SRGAP1: variants seen among roughly 807,000 people sequenced by gnomAD.
SRGAP1 encodes the protein SLIT-ROBO Rho GTPase activating protein 1, also known as SLIT-ROBO Rho GTPase-activating protein 1.
In SRGAP1, 43 loss-of-function variants were observed where a neutral mutation model predicts 121.9. The ratio of observed to expected loss-of-function variants is 0.35; its 90% CI spans 0.28 to 0.46. SRGAP1 has a LOEUF of 0.46. Ranked by LOEUF, SRGAP1 falls within the 20% of genes least tolerant of loss-of-function variation. SRGAP1 has a pLI of 1.00. For missense variants in SRGAP1, 1,102 were observed against 1,350.9 expected (o/e 0.82, Z 2.89); for synonymous variants, 447 against 485.4 (o/e 0.92, Z 1.04).
chr12:64,123,678 T>C (rs1232391512), intron 18 of SRGAP1, among the ~76,000 whole-genome samples: 1 of 150,690 alleles, frequency 6.6e-6, no homozygotes, highest in Admixed American at 6.6e-5. Flanking sequence ...ATTTATTTAT[T>C]TATTTATTTT....
chr12:63,845,674 T>TA (rs1345984810), intron 1 of SRGAP1, among the ~76,000 whole-genome samples: 6 of 152,202 alleles, frequency 3.9e-5, no homozygotes, highest in African/African-American at 7.2e-5. Flanking sequence ...AATATATATA[T>TA]TTTCTCTCCA....
chr12:63,925,229 C>T (rs572640383), intron 1 of SRGAP1, among the ~76,000 whole-genome samples: 1 of 152,282 alleles, frequency 6.6e-6, no homozygotes, highest in South Asian at 2.1e-4. Flanking sequence ...CATTCATATT[C>T]AAGGTGAATC....
chr12:63,869,238 T>A (rs1899766965), intron 1 of SRGAP1, among the ~76,000 whole-genome samples: 1 of 152,122 alleles, frequency 6.6e-6, no homozygotes, highest in Non-Finnish European at 1.5e-5. Context: ...TCTTGCTACA[T>A]CATCCCATGG....
chr12:64,115,999 A>G (rs2036514641), intron 18 of SRGAP1, 106 bp downstream of exon 18: 1 of 1,063,358 alleles, frequency 9.4e-7, no homozygotes, highest in African/African-American at 1.6e-5. Context: ...TCCTACCTAT[A>G]ATCCCAGCAC....
chr12:64,136,454 C>G (rs755530063), intron 21 of SRGAP1, among the ~76,000 whole-genome samples: 2 of 152,088 alleles, frequency 1.3e-5, no homozygotes, highest in Admixed American at 1.3e-4. Context: ...CAACTTCCAG[C>G]TATCACTGAA....
intron 1 of SRGAP1, among the ~76,000 whole-genome samples, chr12:63,919,411 C>T (rs1173655184): frequency 1.3e-5 from 2 of 150,874 alleles, no homozygotes; most frequent in African/African-American, 4.9e-5. Context: ...TATTAATGAT[C>T]CACCTGCCTT....
chr12:63,883,421 A>G (rs1185755634), intron 1 of SRGAP1, among the ~76,000 whole-genome samples: 1 of 152,232 alleles, frequency 6.6e-6, no homozygotes, highest in African/African-American at 2.4e-5. Context: ...GGAATCCCAT[A>G]TGGTAGATTG....
intron 3 of SRGAP1, among the ~76,000 whole-genome samples, chr12:63,999,148 A>T (rs1163581177): frequency 6.6e-6 from 1 of 152,170 alleles, no homozygotes; most frequent in African/African-American, 2.4e-5. Context: ...AAGAAACAGC[A>T]TGTGTGAAGA....
intron 21 of SRGAP1, 37 bp from the exon 22 acceptor site, chr12:64,142,258 G>A: frequency 6.3e-7 from 1 of 1,597,492 alleles, no homozygotes; most frequent in South Asian, 1.1e-5. Context: ...TTCATTATCA[G>A]TCTGTGCTTT....
intron 1 of SRGAP1, among the ~76,000 whole-genome samples, chr12:63,957,516 T>C (rs1054440187): frequency 6.6e-6 from 1 of 152,182 alleles, no homozygotes; most frequent in Non-Finnish European, 1.5e-5. Context: ...TGGCCATGCC[T>C]CTGTTGACCT....
chr12:64,008,311 T>A (rs539951373), intron 3 of SRGAP1, among the ~76,000 whole-genome samples: 1 of 152,320 alleles, frequency 6.6e-6, no homozygotes, highest in East Asian at 1.9e-4. Flanking sequence ...TTTCTCTGAT[T>A]GTATTCAGCA....
At chr12:63,993,515 A>T (rs2033612924) in intron 3 of SRGAP1, among the ~76,000 whole-genome samples, 1 of 152,098 alleles carries the variant, frequency 6.6e-6, no homozygotes. Flanking sequence ...TTCCTTGGGG[A>T]GAAGATTTTG....
intron 21 of SRGAP1, among the ~76,000 whole-genome samples, chr12:64,137,983 A>ATATATATAT (rs1565697592): frequency 1.4e-3 from 163 of 120,650 alleles, no homozygotes; most frequent in African/African-American, 4.6e-3. Flanking sequence ...TATATATATA[A>ATATATATAT]AAAATAATAA....
chr12:64,008,091 A>G (rs2034140565), intron 3 of SRGAP1, among the ~76,000 whole-genome samples: 1 of 152,222 alleles, frequency 6.6e-6, no homozygotes, highest in South Asian at 2.1e-4. Flanking sequence ...GCACATAACC[A>G]TGGGCATGTC....
At chr12:63,945,314 G>A (rs929731050) in intron 1 of SRGAP1, among the ~76,000 whole-genome samples, 4 of 151,068 alleles carry the variant, frequency 2.6e-5, no homozygotes, top group Admixed American at 1.3e-4. Flanking sequence ...TGTGCAGAAC[G>A]CGCAGGTTTG....
intron 1 of SRGAP1, among the ~76,000 whole-genome samples, chr12:63,949,403 TTATTA>T (rs1371892340): frequency 2.4e-5 from 1 of 40,840 alleles, no homozygotes; most frequent in African/African-American, 8.1e-5. Flanking sequence ...TTATTTATTA[TTATTA>T]TTATTATTAT....
Position 63,893,721 on chromosome 12 carries a change from C to G in SRGAP1, c.67+48838C>G, listed in dbSNP as rs149309261. ...CTAAGTCTGTTACACTTTACTTTTACTAGATCTGAACATTTTAATGCATTT... is the reference window on the plus strand; with the variant it reads ...CTAAGTCTGTTACACTTTACTTTTAGTAGATCTGAACATTTTAATGCATTT... On this transcript the variant is annotated intron_variant, in intron 1 of 21. Coordinates refer to ENST00000355086, the MANE Select transcript of SRGAP1 (RefSeq NM_020762.4). Among the ~76,000 whole-genome samples the G allele has an allele frequency of 3.3e-5, 5 of 152,346 alleles. No homozygotes were observed. In the East Asian group the frequency reaches 9.6e-4, roughly 29 times the overall value.
chr12:64,156,007 C>T lies in SRGAP1; in HGVS notation c.*13335C>T, dbSNP rs998111913. ...ATTATCGGATTTAGTCCTGTAAGAC[C>T]GGAATCATTATTATCCCCATTTTTC... is the stretch of plus-strand genomic sequence containing the variant. On this transcript the variant is annotated 3_prime_UTR_variant, in exon 22 of 22. Transcript: ENST00000355086. 6 of 152,206 alleles carry T rather than the reference C, an allele frequency of 3.9e-5. No individual in the cohort carries two copies. In the East Asian group the frequency reaches 7.7e-4, roughly 20 times the overall value. The allele number at this position is 152,206 out of a possible 1,614,324, so 9.4% of individuals were successfully genotyped here.
rs999129694 is a variant in SRGAP1, at chr12:64,158,440, G to A, written c.*15768G>A. On this transcript the variant is annotated 3_prime_UTR_variant, in exon 22 of 22. Transcript: ENST00000355086. ...ACCAGGGATTCAAACCCAACACATC[G>A]GGTGCTAAAGTCTACCCTCTTAGTT... is the stretch of plus-strand genomic sequence containing the variant. 8 of 152,086 alleles carry A rather than the reference G, an allele frequency of 5.3e-5. No individual in the cohort carries two copies. Among genetic ancestry groups the A allele is most frequent in the African/African-American group, 7.2e-5 (3 of 41,412 alleles). The allele number at this position is 152,086 out of a possible 1,614,324, so 9.4% of individuals were successfully genotyped here.
Sources: gnomAD v4.1 joint callset for allele counts (sites outside exome capture counted in the v4.1 genomes callset) on GRCh38, gnomAD v4.1.1 for gene constraint, MANE v1.5 for transcripts, NCBI Gene and HGNC (gene_info 2026-07-23, HGNC 2026-07-21) for gene names.